The following MBNL1 variants were observed in gnomAD, a reference collection of about 807,000 sequenced individuals.
MBNL1 encodes muscleblind like splicing regulator 1.
Under a neutral mutation model 42.2 loss-of-function variants are expected in MBNL1, and 8 were observed. That is an observed-to-expected ratio of 0.19 (90% CI 0.11 to 0.34). MBNL1 has a LOEUF of 0.34. Ranked by LOEUF, MBNL1 falls within the 10% of genes least tolerant of loss-of-function variation. MBNL1 has a pLI of 1.00. For synonymous variants in MBNL1, 169 were observed against 173.9 expected, an observed-to-expected ratio of 0.97 and a Z score of 0.22; for missense variants, 309 against 495.3, an observed-to-expected ratio of 0.62 and a Z score of 3.57.
intron 2 of MBNL1, among the ~76,000 whole-genome samples, chr3:152,261,748 T>C (rs2036318858): frequency 6.6e-6 from 1 of 152,202 alleles, no homozygotes; most frequent in Non-Finnish European, 1.5e-5. Context: ...ACAAACTTTC[T>C]CCTCATGTTG....
At chr3:152,364,985 A>G (rs970788068) in intron 2 of MBNL1, among the ~76,000 whole-genome samples, 6 of 152,028 alleles carry the variant, frequency 3.9e-5, no homozygotes, top group African/African-American at 1.2e-4. Flanking sequence ...TCTGTCTTCT[A>G]TCTCACCGAG....
At chr3:152,373,589 C>T (rs1481177819) in intron 2 of MBNL1, among the ~76,000 whole-genome samples, 3 of 152,014 alleles carry the variant, frequency 2.0e-5, no homozygotes, top group Non-Finnish European at 4.4e-5. Flanking sequence ...TTGAGCTTAC[C>T]GTGTGAGGTG....
chr3:152,345,328 C>T (rs1367340141), intron 2 of MBNL1, among the ~76,000 whole-genome samples: 1 of 151,966 alleles, frequency 6.6e-6, no homozygotes, highest in Non-Finnish European at 1.5e-5. Flanking sequence ...TTATTTTACT[C>T]CTTTAAAAGC....
At chr3:152,374,006 C>T (rs1233021426) in intron 2 of MBNL1, among the ~76,000 whole-genome samples, 1 of 152,092 alleles carries the variant, frequency 6.6e-6, no homozygotes, top group African/African-American at 2.4e-5. Flanking sequence ...TAGGCTAGAA[C>T]ATTTTAAAGC....
intron 5 of MBNL1, chr3:152,446,566 TG>T (rs2099229583): frequency 4.7e-6 from 3 of 639,844 alleles, no homozygotes; most frequent in South Asian, 2.0e-5. Context: ...TCCGATGATT[TG>T]TTTTTTTATT....
chr3:152,318,829 C>T (rs933547107), intron 2 of MBNL1, among the ~76,000 whole-genome samples: 1 of 152,138 alleles, frequency 6.6e-6, no homozygotes, highest in Non-Finnish European at 1.5e-5. Flanking sequence ...CAAAAAAAGA[C>T]ACTCTACAGG....
At chr3:152,322,470 A>G (rs2077015965) in intron 2 of MBNL1, among the ~76,000 whole-genome samples, 1 of 152,094 alleles carries the variant, frequency 6.6e-6, no homozygotes, top group African/African-American at 2.4e-5. Context: ...ACGGAAATGC[A>G]AACTAGCCTT....
chr3:152,415,680 A>G (rs2098688130), intron 3 of MBNL1, among the ~76,000 whole-genome samples: 1 of 152,234 alleles, frequency 6.6e-6, no homozygotes. Flanking sequence ...TTAAAGAAGA[A>G]TTAATCAGGG....
At chr3:152,385,200 C>G (rs913507988) in intron 2 of MBNL1, among the ~76,000 whole-genome samples, 4 of 151,628 alleles carry the variant, frequency 2.6e-5, no homozygotes, top group Non-Finnish European at 5.9e-5. Flanking sequence ...AAAAATATGC[C>G]TTTTAAAAAA....
chr3:152,369,985 T>C (rs1336769568), intron 2 of MBNL1, among the ~76,000 whole-genome samples: 1 of 151,882 alleles, frequency 6.6e-6, no homozygotes, highest in African/African-American at 2.4e-5. Flanking sequence ...TGATTGTTTT[T>C]GGTTTTCCGT....
intron 2 of MBNL1, among the ~76,000 whole-genome samples, chr3:152,401,427 C>T (rs1248485064): frequency 6.6e-6 from 1 of 152,166 alleles, no homozygotes; most frequent in East Asian, 1.9e-4. Context: ...TTAATATCAA[C>T]TCCTTTTAAA....
At chr3:152,359,857 T>A (rs1378072251) in intron 2 of MBNL1, among the ~76,000 whole-genome samples, 1 of 152,216 alleles carries the variant, frequency 6.6e-6, no homozygotes, top group Non-Finnish European at 1.5e-5. Flanking sequence ...CCCTGTTTTA[T>A]GGTGCCTATC....
intron 2 of MBNL1, chr3:152,338,237 T>A (rs1030077211): frequency 1.5e-5 from 15 of 985,272 alleles, no homozygotes; most frequent in Non-Finnish European, 1.7e-5. Context: ...GGCGGGAATC[T>A]TGGTGATTCT....
intron 2 of MBNL1, among the ~76,000 whole-genome samples, chr3:152,337,554 G>A (rs1385282119): frequency 1.3e-5 from 2 of 151,108 alleles, no homozygotes; most frequent in Non-Finnish European, 2.9e-5. Flanking sequence ...GGAGGTGGAG[G>A]TTGCAGTGAG....
chr3:152,340,482 CT>C (rs1415262771), intron 2 of MBNL1: 1 of 1,524,968 alleles, frequency 6.6e-7, no homozygotes, highest in Non-Finnish European at 8.8e-7. Context: ...AATTTATAGA[CT>C]TATTTCTCAG....
chr3:152,254,943 G>T (rs914208067), intron 2 of MBNL1, among the ~76,000 whole-genome samples: 2 of 152,064 alleles, frequency 1.3e-5, no homozygotes, highest in East Asian at 1.9e-4. Flanking sequence ...ATTGATCCTG[G>T]TGTGTCTATC....
chr3:152,339,276 T>TA (rs112042730), intron 2 of MBNL1, among the ~76,000 whole-genome samples: 13 of 152,140 alleles, frequency 8.5e-5, no homozygotes, highest in Admixed American at 2.0e-4. Flanking sequence ...AAAATTAAAA[T>TA]AAAAAAACTT....
In MBNL1 at chr3:152,417,699, G is replaced by A. The variant is rs577160356; in HGVS notation, c.345+2588G>A. ...AGAACAAATGAAGGAAGGAGTTTCC[G>A]AAACACCAGAAAAACAGGCAGAGAT... On this transcript the variant is annotated intron_variant, in intron 3 of 9. Transcript: ENST00000324210. Among the ~76,000 whole-genome samples, 33 of 152,174 alleles carry A rather than the reference G, an allele frequency of 2.2e-4. No homozygotes were observed. The South Asian group carries it at 6.0e-3, about 28-fold the overall frequency.
intron 2 of MBNL1, among the ~76,000 whole-genome samples, chr3:152,251,864 A>G (rs1576781512): frequency 6.6e-6 from 1 of 152,120 alleles, no homozygotes; most frequent in East Asian, 1.9e-4. Flanking sequence ...ACATTCATTG[A>G]TGTTCTTGTC....
Sources: gnomAD v4.1 joint callset for allele counts (sites outside exome capture counted in the v4.1 genomes callset) on GRCh38, gnomAD v4.1.1 for gene constraint, MANE v1.5 for transcripts, NCBI Gene and HGNC (gene_info 2026-07-23, HGNC 2026-07-21) for gene names.